The following TRAM2 variants were observed in gnomAD, a reference collection of about 807,000 sequenced individuals.
TRAM2 encodes translocation associated membrane protein 2.
TRAM2 carries 12 observed loss-of-function variants against 51.0 expected under a neutral mutation model. That is an observed-to-expected ratio of 0.24 (90% confidence interval 0.15 to 0.38). The LOEUF (loss-of-function observed/expected upper bound fraction) is 0.38, where lower values mean the gene tolerates loss of function less well. Ranked by LOEUF, TRAM2 falls within the 10% of genes least tolerant of loss-of-function variation. The pLI is 1.00. For missense variants in TRAM2, 361 were observed against 462.0 expected, an observed-to-expected ratio of 0.78 and a Z score of 2.00; for synonymous variants, 175 against 179.4, an observed-to-expected ratio of 0.98 and a Z score of 0.20.
intron 2 of TRAM2, among the ~76,000 whole-genome samples, chr6:52,525,851 A>G (rs1474643726): frequency 1.3e-5 from 2 of 152,154 alleles, no homozygotes; most frequent in African/African-American, 2.4e-5. Flanking sequence ...AAATGAGGTC[A>G]TTAGGGTGGG....
chr6:52,524,354 A>C (rs1217635884), intron 2 of TRAM2: 1 of 145,064 alleles, frequency 6.9e-6, no homozygotes, highest in Non-Finnish European at 1.5e-5. Flanking sequence ...GGAAAGAAAA[A>C]TATGCATTTG....
At chr6:52,514,899 C>T (rs1010393597) in intron 4 of TRAM2, among the ~76,000 whole-genome samples, 1 of 152,172 alleles carries the variant, frequency 6.6e-6, no homozygotes, top group African/African-American at 2.4e-5. Context: ...TCAATCTGCC[C>T]CTGGGACTGT....
At chr6:52,517,040 C>T (rs915543467) in intron 2 of TRAM2, 22 of 323,586 alleles carry the variant, frequency 6.8e-5, no homozygotes, top group Admixed American at 3.1e-4. Context: ...GACCACCAAT[C>T]CCCATCACTG....
intron 2 of TRAM2, among the ~76,000 whole-genome samples, chr6:52,533,799 A>G (rs78123705): frequency 0.03 from 4,524 of 152,312 alleles, 195 homozygotes; most frequent in African/African-American, 0.1. Flanking sequence ...TCTCTACTAT[A>G]AAGAGGAAAA....
At chr6:52,510,350 T>C (rs1392832306) in intron 4 of TRAM2, among the ~76,000 whole-genome samples, 1 of 152,232 alleles carries the variant, frequency 6.6e-6, no homozygotes, top group Non-Finnish European at 1.5e-5. Flanking sequence ...CTAATGAATA[T>C]TCTTTTAAAT....
intron 1 of TRAM2, among the ~76,000 whole-genome samples, chr6:52,551,132 G>A (rs1767301175): frequency 6.6e-6 from 1 of 152,188 alleles, no homozygotes; most frequent in Admixed American, 6.5e-5. Context: ...GGCCTTTACT[G>A]AGGCAGGAGG....
intron 1 of TRAM2, among the ~76,000 whole-genome samples, chr6:52,547,176 A>C (rs1008328747): frequency 2.0e-5 from 3 of 152,150 alleles, no homozygotes; most frequent in African/African-American, 4.8e-5. Context: ...GTGCGGGAGA[A>C]GCTTAGACCA....
At chr6:52,556,681 T>C (rs1767411904) in intron 1 of TRAM2, among the ~76,000 whole-genome samples, 1 of 152,018 alleles carries the variant, frequency 6.6e-6, no homozygotes. Flanking sequence ...TAATCCCAGC[T>C]CTTTGGGAGG....
Position 52,502,743 on chromosome 6 carries a change from G to C in TRAM2, c.*454C>G. The C allele has an allele frequency of 5.8e-6, 1 of 173,340 alleles. No individual in the cohort carries two copies. The highest frequency in any genetic ancestry group is 1.2e-5 in the Non-Finnish European group (1 of 81,292). The allele number at this position is 173,340 out of a possible 1,614,324, so 10.7% of individuals were successfully genotyped here. ...AAGGGCCTACCAGCCCCAGGCTTCT[G>C]ACCGGCAGGCCCTGGGGGACCGAAG... On this transcript the variant is annotated 3_prime_UTR_variant, in exon 11 of 11. Coordinates refer to ENST00000182527, the MANE Select transcript of TRAM2 (RefSeq NM_012288.4).
Position 52,500,125 on chromosome 6 carries a change from C to A in TRAM2, c.*3072G>T, listed in dbSNP as rs1398812437. 1 of 152,278 alleles carries A rather than the reference C, an allele frequency of 6.6e-6. No homozygotes were observed. 9.4% of individuals were successfully genotyped at this position (152,278 alleles called of 1,614,324 possible). A position where few individuals can be genotyped will look rare whatever the true frequency, so the allele number is the denominator to read the frequency against. On this transcript the variant is annotated 3_prime_UTR_variant, in exon 11 of 11. Transcript: ENST00000182527. ...TAGTTAGCCAGGGCTGTCGAGAGGC[C>A]ACAGTTGCTGGGGTAGGTTTACGTC...
At chr6:52,554,413 G>C (rs1036661001) in intron 1 of TRAM2, among the ~76,000 whole-genome samples, 2 of 151,086 alleles carry the variant, frequency 1.3e-5, no homozygotes, top group Non-Finnish European at 2.9e-5. Flanking sequence ...CCAGCTACTC[G>C]GGTGGCTGAG....
rs1766163796 is a variant in TRAM2, at chr6:52,499,609, G to A, written c.*3588C>T. ...CCTCTTATTAGCTGCTTAGAAAAAAGAAGGGGTACTGACAAAGGAGGTCCC... is the reference window on the plus strand; with the variant it reads ...CCTCTTATTAGCTGCTTAGAAAAAAAAAGGGGTACTGACAAAGGAGGTCCC... On this transcript the variant is annotated 3_prime_UTR_variant, in exon 11 of 11. Transcript: ENST00000182527. The A allele has an allele frequency of 6.6e-6, 1 of 152,108 alleles. No homozygotes were observed. The highest frequency in any genetic ancestry group is 6.5e-5 in the Admixed American group (1 of 15,276). The allele number at this position is 152,108 out of a possible 1,614,324, so 9.4% of individuals were successfully genotyped here. A position where few individuals can be genotyped will look rare whatever the true frequency, so the allele number is the denominator to read the frequency against.
At chr6:52,568,919 C>T (rs1248572609) in intron 1 of TRAM2, among the ~76,000 whole-genome samples, 2 of 152,188 alleles carry the variant, frequency 1.3e-5, no homozygotes, top group East Asian at 1.9e-4. Context: ...AACTGAGGCT[C>T]AGACAGCTCT....
chr6:52,569,490 C>T (rs776734524), intron 1 of TRAM2, among the ~76,000 whole-genome samples: 1 of 151,662 alleles, frequency 6.6e-6, no homozygotes, highest in South Asian at 2.1e-4. Flanking sequence ...TATGCAATAA[C>T]GTATGTATAA....
At chr6:52,550,703 C>T (rs1021863611) in intron 1 of TRAM2, among the ~76,000 whole-genome samples, 2 of 152,104 alleles carry the variant, frequency 1.3e-5, no homozygotes, top group African/African-American at 2.4e-5. Flanking sequence ...AGGAATGCAC[C>T]ACCACACCCG....
intron 5 of TRAM2, among the ~76,000 whole-genome samples, chr6:52,509,045 C>CA (rs1297013449): frequency 1.3e-5 from 2 of 151,956 alleles, no homozygotes; most frequent in Non-Finnish European, 2.9e-5. Flanking sequence ...AGAAAAAAGA[C>CA]AAAAAACAAA....
intron 1 of TRAM2, among the ~76,000 whole-genome samples, chr6:52,574,774 C>A (rs1025579619): frequency 6.6e-6 from 1 of 152,148 alleles, no homozygotes; most frequent in Non-Finnish European, 1.5e-5. Context: ...GTTTAATGCA[C>A]AGGACTTTCC....
At chr6:52,506,269 T>A in intron 7 of TRAM2, 133 bp from the exon 8 acceptor site, 1 of 763,560 alleles carries the variant, frequency 1.3e-6, no homozygotes, top group South Asian at 1.6e-5. Context: ...CCTGGCTGGC[T>A]CTGCTCCATC....
At chr6:52,506,212 GGCT>G in intron 7 of TRAM2, 76 bp from the exon 8 acceptor site, 1 of 1,377,660 alleles carries the variant, frequency 7.3e-7, no homozygotes, top group Non-Finnish European at 1.0e-6. Context: ...TCTTGGCTCA[GGCT>G]GTCCCCTGTG....
Sources: gnomAD v4.1 joint callset for allele counts (sites outside exome capture counted in the v4.1 genomes callset) on GRCh38, gnomAD v4.1.1 for gene constraint, MANE v1.5 for transcripts, NCBI Gene and HGNC (gene_info 2026-07-23, HGNC 2026-07-21) for gene names.